The following DLGAP1 variants were observed in gnomAD, a reference collection of about 807,000 sequenced individuals.
The protein encoded by DLGAP1 is disks large-associated protein 1.
DLGAP1 carries 11 observed loss-of-function variants against 90.8 expected under a neutral mutation model. The ratio of observed to expected loss-of-function variants is 0.12; its 90% CI spans 0.08 to 0.20. The LOEUF (loss-of-function observed/expected upper bound fraction) is 0.20, where lower values mean the gene tolerates loss of function less well. Among genes scored for constraint, DLGAP1 ranks in the 10% least tolerant of loss-of-function variants. DLGAP1 has a pLI of 1.00. For synonymous variants in DLGAP1, 558 were observed against 540.7 expected, an observed-to-expected ratio of 1.03 and a Z score of -0.44; for missense variants, 1,050 against 1,333.8, an observed-to-expected ratio of 0.79 and a Z score of 3.31.
intron 7 of DLGAP1, among the ~76,000 whole-genome samples, chr18:3,600,931 GATAT>G (rs1305441089): frequency 3.0e-5 from 2 of 66,868 alleles, no homozygotes; most frequent in Non-Finnish European, 7.9e-5. Context: ...GATATATATA[GATAT>G]ATAGATAGAT....
At chr18:3,789,728 T>G (rs932613782) in intron 5 of DLGAP1, among the ~76,000 whole-genome samples, 7 of 152,232 alleles carry the variant, frequency 4.6e-5, no homozygotes, top group Admixed American at 2.0e-4. Context: ...AAAGATGAGC[T>G]TGCAGAAATA....
chr18:3,676,525 C>G (rs2060307468), intron 7 of DLGAP1, among the ~76,000 whole-genome samples: 1 of 152,128 alleles, frequency 6.6e-6, no homozygotes, highest in Non-Finnish European at 1.5e-5. Context: ...GGTATTTACT[C>G]CAGACAATGT....
intron 1 of DLGAP1, among the ~76,000 whole-genome samples, chr18:4,282,501 T>C (rs998969384): frequency 6.6e-6 from 1 of 151,852 alleles, no homozygotes; most frequent in Non-Finnish European, 1.5e-5. Context: ...AGAAACAAAA[T>C]AGTAAGTATG....
intron 4 of DLGAP1, among the ~76,000 whole-genome samples, chr18:3,848,854 C>T (rs1161600785): frequency 6.6e-6 from 1 of 152,162 alleles, no homozygotes; most frequent in Non-Finnish European, 1.5e-5. Context: ...CTTCTCCTTC[C>T]ACTCCATCCA....
intron 4 of DLGAP1, among the ~76,000 whole-genome samples, chr18:3,870,038 A>C (rs2070647245): frequency 6.6e-6 from 1 of 152,252 alleles, no homozygotes; most frequent in Non-Finnish European, 1.5e-5. Context: ...TGAATCCCAT[A>C]TTTTCATCTA....
At position 3,659,452 on chromosome 18, in the gene DLGAP1, G is replaced by A. The variant is rs56929658; in HGVS notation, c.1591+69683C>T. Reference sequence around the variant, plus strand: ...ACACACACGGATGCTACCACCCCCCGCCGCCCCCACCCCCGGTTTCTTTTT... The same window carrying A: ...ACACACACGGATGCTACCACCCCCCACCGCCCCCACCCCCGGTTTCTTTTT... On this transcript the variant is annotated intron_variant, in intron 7 of 12. Transcript: ENST00000315677. 0.023 allele frequency among the ~76,000 whole-genome samples: 1,314 copies of A among 57,984 alleles called. 102 individuals are homozygous for A. In the East Asian group the frequency reaches 0.26, roughly 12 times the overall value. 38.0% of individuals were successfully genotyped at this position (57,984 alleles called of 152,430 possible).
chr18:4,108,154 A>T (rs2075903050), intron 2 of DLGAP1, among the ~76,000 whole-genome samples: 1 of 152,166 alleles, frequency 6.6e-6, no homozygotes, highest in South Asian at 2.1e-4. Context: ...GAAGTAGGTC[A>T]TAAAACACAG....
chr18:4,011,272 G>A (rs1176767532), intron 2 of DLGAP1, among the ~76,000 whole-genome samples: 1 of 151,656 alleles, frequency 6.6e-6, no homozygotes, highest in Non-Finnish European at 1.5e-5. Context: ...GCTTTTATAA[G>A]TGCCACCGGA....
At chr18:3,756,376 G>A (rs1304574456) in intron 5 of DLGAP1, among the ~76,000 whole-genome samples, 1 of 151,870 alleles carries the variant, frequency 6.6e-6, no homozygotes, top group Non-Finnish European at 1.5e-5. Flanking sequence ...AAAACTGTAG[G>A]TCAAAGAGAA....
chr18:3,772,388 CTTTCTTTCTT>C (rs2064703113), intron 5 of DLGAP1, among the ~76,000 whole-genome samples: 1 of 30,836 alleles, frequency 3.2e-5, no homozygotes, highest in African/African-American at 8.4e-5. Context: ...TTCTTTCTTT[CTTTCTTTCTT>C]TCTTTCTTTC....
At chr18:4,262,930 ATTATT>A (rs1468760683) in intron 1 of DLGAP1, among the ~76,000 whole-genome samples, 2 of 151,042 alleles carry the variant, frequency 1.3e-5, no homozygotes, top group East Asian at 1.9e-4. Flanking sequence ...TATTATTATT[ATTATT>A]TTATTATTTT....
chr18:3,696,756 A>G (rs974876804), intron 7 of DLGAP1, among the ~76,000 whole-genome samples: 1 of 152,196 alleles, frequency 6.6e-6, no homozygotes, highest in African/African-American at 2.4e-5. Flanking sequence ...TGTTTGGAAT[A>G]GTTTCAGAAG....
chr18:4,024,005 T>C (rs2074658620), intron 2 of DLGAP1, among the ~76,000 whole-genome samples: 1 of 152,232 alleles, frequency 6.6e-6, no homozygotes, highest in Admixed American at 6.5e-5. Flanking sequence ...CATTGGCATT[T>C]ATCTCGATGT....
At chr18:4,382,036 G>GTTC (rs1424276739) in intron 1 of DLGAP1, among the ~76,000 whole-genome samples, 1 of 152,112 alleles carries the variant, frequency 6.6e-6, no homozygotes, top group Non-Finnish European at 1.5e-5. Flanking sequence ...AATAGCACGG[G>GTTC]AAAGACTTGC....
chr18:3,833,481 C>T (rs1472545961), intron 4 of DLGAP1, among the ~76,000 whole-genome samples: 6 of 152,086 alleles, frequency 3.9e-5, no homozygotes, highest in South Asian at 2.1e-4. Context: ...GTGATCTGCC[C>T]GCCTCAGCCT....
intron 1 of DLGAP1, among the ~76,000 whole-genome samples, chr18:4,401,902 C>T (rs1342318401): frequency 6.6e-6 from 1 of 152,136 alleles, no homozygotes; most frequent in African/African-American, 2.4e-5. Flanking sequence ...AGTTTCCCTC[C>T]CCCATTGACT....
chr18:3,964,068 C>A (rs936847735), intron 3 of DLGAP1, among the ~76,000 whole-genome samples: 2 of 152,042 alleles, frequency 1.3e-5, no homozygotes, highest in Non-Finnish European at 2.9e-5. Context: ...CTGCAGGAGG[C>A]GTCATTCCTA....
intron 1 of DLGAP1, among the ~76,000 whole-genome samples, chr18:4,368,845 T>C (rs892134534): frequency 6.6e-6 from 1 of 152,212 alleles, no homozygotes; most frequent in Admixed American, 6.5e-5. Context: ...TGGTTCTCTC[T>C]ATGTAGATAA....
intron 1 of DLGAP1, among the ~76,000 whole-genome samples, chr18:4,254,276 T>C (rs2078841620): frequency 6.6e-6 from 1 of 152,180 alleles, no homozygotes; most frequent in African/African-American, 2.4e-5. Flanking sequence ...GATCCTAATT[T>C]TTAACAATTA....
Sources: gnomAD v4.1 joint callset for allele counts (sites outside exome capture counted in the v4.1 genomes callset) on GRCh38, gnomAD v4.1.1 for gene constraint, MANE v1.5 for transcripts, NCBI Gene and HGNC (gene_info 2026-07-23, HGNC 2026-07-21) for gene names.